SLF1: variants seen among roughly 807,000 people sequenced by gnomAD.
The protein encoded by SLF1 is SMC5/6 complex localization factor 1, also known as SMC5-SMC6 complex localization factor protein 1.
Under a neutral mutation model 123.0 loss-of-function variants are expected in SLF1, and 105 were observed. That is an observed-to-expected ratio of 0.85 (90% CI 0.73 to 1.00). SLF1 has a LOEUF of 1.00. Ranked by LOEUF, SLF1 falls within the 50% of genes least tolerant of loss-of-function variation. The pLI is 0.00. For missense variants in SLF1, 1,239 were observed against 1,223.0 expected (o/e 1.01, Z -0.20); for synonymous variants, 434 against 406.6 (o/e 1.07, Z -0.81).
In SLF1 at chr5:94,697,621, A is replaced by G. The variant is rs1347023897; in HGVS notation, c.*2309A>G. 14 of 151,920 alleles carry G rather than the reference A, an allele frequency of 9.2e-5. No homozygotes were observed. The highest frequency in any genetic ancestry group is 9.2e-4 in the Admixed American group (14 of 15,226). 9.4% of individuals were successfully genotyped at this position (151,920 alleles called of 1,614,324 possible). A position where few individuals can be genotyped will look rare whatever the true frequency, so the allele number is the denominator to read the frequency against. On this transcript the variant is annotated 3_prime_UTR_variant, in exon 21 of 21. Transcript: ENST00000265140. ...TGGAGAGGAGATTTCTGAGCAGTTA[A>G]GATTCAGCTTTTCCCCATGCATTGT... is the stretch of plus-strand genomic sequence containing the variant.
chr5:94,667,994 C>T (rs554596655), intron 12 of SLF1, among the ~76,000 whole-genome samples: 1 of 152,102 alleles, frequency 6.6e-6, no homozygotes, highest in East Asian at 1.9e-4. Context: ...GTTTTCTGCC[C>T]GCCTCAGCCT....
intron 9 of SLF1, 35 bp from the exon 10 acceptor site, chr5:94,662,263 A>G: frequency 6.6e-7 from 1 of 1,513,062 alleles, no homozygotes; most frequent in South Asian, 1.3e-5. Flanking sequence ...TCAATCTTAA[A>G]ATGTTGTTTT....
chr5:94,664,543 C>T (rs1378492065), intron 11 of SLF1, among the ~76,000 whole-genome samples: 1 of 152,206 alleles, frequency 6.6e-6, no homozygotes, highest in Non-Finnish European at 1.5e-5. Context: ...CCAATAGGAA[C>T]AAATATTCAA....
At chr5:94,683,160 C>T (rs1450164288) in intron 15 of SLF1, among the ~76,000 whole-genome samples, 1 of 152,132 alleles carries the variant, frequency 6.6e-6, no homozygotes, top group Admixed American at 6.6e-5. Flanking sequence ...CAGATTACAT[C>T]ATTATTGCCT....
At chr5:94,662,487 T>C (rs548733383) in intron 10 of SLF1, 136 bp downstream of exon 10, 12 of 630,970 alleles carry the variant, frequency 1.9e-5, no homozygotes, top group South Asian at 5.0e-5. Flanking sequence ...TAAAGAAATA[T>C]AGCTTCTCTA....
intron 5 of SLF1, among the ~76,000 whole-genome samples, chr5:94,644,636 T>C (rs1230525325): frequency 6.6e-6 from 1 of 152,226 alleles, no homozygotes; most frequent in African/African-American, 2.4e-5. Context: ...CTTCACTCTG[T>C]GGGTCTTCCT....
In SLF1 at chr5:94,687,646, A is replaced by G. The variant is rs151014789; in HGVS notation, c.2122-860A>G. On this transcript the variant is annotated intron_variant, in intron 16 of 20. Transcript: ENST00000265140. Reference sequence around the variant, plus strand: ...GAGGTCGAGGCAGCAGTGACCTGTGATAACCACTGTACTGTAGCCTAGGTG... The same window carrying G: ...GAGGTCGAGGCAGCAGTGACCTGTGGTAACCACTGTACTGTAGCCTAGGTG... Among the ~76,000 whole-genome samples, 975 of 152,248 alleles carry G rather than the reference A, an allele frequency of 6.4e-3. 10 individuals carry two copies. Among genetic ancestry groups the G allele is most frequent in the African/African-American group, 0.023 (947 of 41,540 alleles).
Position 94,692,185 on chromosome 5 carries a change from G to A in SLF1, c.2624G>A (p.Gly875Glu). Reference sequence around the variant, plus strand: ...GTAGATCTGCTCACTCAAGTGGACGGGGTGACTCCTTTGCATGATGCACTG... The same window carrying A: ...GTAGATCTGCTCACTCAAGTGGACGAGGTGACTCCTTTGCATGATGCACTG... ...PEVDLLTQVD[G>E]VTPLHDALSN... is the part of the protein sequence containing the mutation. Residue 875 changes from glycine to glutamate, a missense_variant, in exon 20 of 21, where the codon GGG becomes GAG. By Grantham distance (98) the Gly-to-Glu change is moderately conservative. Coordinates refer to ENST00000265140, the MANE Select transcript of SLF1 (RefSeq NM_032290.4). The A allele has an allele frequency of 6.2e-7, 1 of 1,613,858 alleles. No homozygotes were observed. Among genetic ancestry groups the A allele is most frequent in the Admixed American group, 1.7e-5 (1 of 59,984 alleles).
chr5:94,646,303 T>C (rs748408349), intron 5 of SLF1, among the ~76,000 whole-genome samples: 18 of 152,206 alleles, frequency 1.2e-4, no homozygotes, highest in East Asian at 5.8e-4. Context: ...AACCCTCTTA[T>C]ACTTTTTGAA....
At chr5:94,684,159 A>C (rs184495455) in intron 15 of SLF1, among the ~76,000 whole-genome samples, 1 of 152,332 alleles carries the variant, frequency 6.6e-6, no homozygotes, top group Admixed American at 6.5e-5. Flanking sequence ...GAACTCTACA[A>C]GTTATTTTTG....
intron 12 of SLF1, among the ~76,000 whole-genome samples, chr5:94,667,426 T>G (rs942139580): frequency 3.9e-5 from 6 of 152,226 alleles, no homozygotes. Flanking sequence ...TTATATAAAC[T>G]ATTGCAGTAG....
intron 4 of SLF1, among the ~76,000 whole-genome samples, chr5:94,640,064 G>T (rs1210031666): frequency 4.6e-5 from 7 of 152,114 alleles, no homozygotes; most frequent in Non-Finnish European, 1.0e-4. Context: ...TGTATCTTCA[G>T]TATTTGACTT....
intron 14 of SLF1, among the ~76,000 whole-genome samples, chr5:94,673,931 AG>A (rs2152491434): frequency 6.6e-6 from 1 of 152,224 alleles, no homozygotes; most frequent in South Asian, 2.1e-4. Flanking sequence ...AACAATAACC[AG>A]GTGAGTAGAC....
chr5:94,677,089 A>G (rs980172497), intron 14 of SLF1, among the ~76,000 whole-genome samples: 2 of 152,172 alleles, frequency 1.3e-5, no homozygotes, highest in African/African-American at 2.4e-5. Context: ...ATATAACATA[A>G]TAACATACTG....
At chr5:94,687,379 A>G (rs1244639135) in intron 16 of SLF1, among the ~76,000 whole-genome samples, 2 of 152,156 alleles carry the variant, frequency 1.3e-5, no homozygotes, top group East Asian at 3.9e-4. Context: ...CTCCAGGGGC[A>G]GTGGGGGGAA....
intron 18 of SLF1, chr5:94,691,055 A>C (rs1585244593): frequency 6.5e-6 from 1 of 153,260 alleles, no homozygotes; most frequent in South Asian, 2.1e-4. Context: ...ATGGATTTGA[A>C]GTTCTGAATT....
Position 94,662,332 on chromosome 5 carries a change from A to G in SLF1, c.1190A>G (p.Gln397Arg). 1 of 1,550,224 alleles carries G rather than the reference A, an allele frequency of 6.5e-7. No homozygotes were observed. Among genetic ancestry groups the G allele is most frequent in the Non-Finnish European group, 8.7e-7 (1 of 1,146,194 alleles). ...VRYNCIRIDK[Q>R]PVYNVEVKNA... is the part of the protein sequence containing the mutation. ...TACAACTGCATTAGAATAGATAAAC[A>G]ACCAGTGTACAACGTAGAGGTAAGG... Residue 397 changes from glutamine to arginine, a missense_variant, in exon 10 of 21, where the codon CAA becomes CGA. Physicochemically the swap from Gln to Arg is conservative, Grantham distance 43. Coordinates refer to ENST00000265140, the MANE Select transcript of SLF1 (RefSeq NM_032290.4).
chr5:94,642,260 A>G (rs991536797), intron 4 of SLF1, among the ~76,000 whole-genome samples: 3 of 152,092 alleles, frequency 2.0e-5, no homozygotes, highest in Non-Finnish European at 4.4e-5. Flanking sequence ...TGTCAAGGAG[A>G]GCTCCCTGCA....
chr5:94,640,735 C>T (rs1437913676), intron 4 of SLF1, among the ~76,000 whole-genome samples: 1 of 151,904 alleles, frequency 6.6e-6, no homozygotes, highest in Non-Finnish European at 1.5e-5. Flanking sequence ...ATTCCTTTTT[C>T]AGTTGTGTTC....
Sources: gnomAD v4.1 joint callset for allele counts (sites outside exome capture counted in the v4.1 genomes callset) on GRCh38, gnomAD v4.1.1 for gene constraint, MANE v1.5 for transcripts, NCBI Gene and HGNC (gene_info 2026-07-23, HGNC 2026-07-21) for gene names.